Variants in CGNL1 observed in about 807,000 individuals in gnomAD.
CGNL1 encodes cingulin like 1, also known as cingulin-like protein 1.
A neutral mutation model predicts 141.2 loss-of-function variants in CGNL1; 132 were observed. The ratio of observed to expected loss-of-function variants is 0.93; its 90% CI spans 0.81 to 1.08. CGNL1 has a LOEUF of 1.08. CGNL1 is among the 50% of genes least tolerant of loss of function. CGNL1 has a pLI of 0.00. For synonymous variants in CGNL1, 690 were observed against 622.1 expected (o/e 1.11, Z -1.63); for missense variants, 1,870 against 1,588.6 (o/e 1.18, Z -3.01).
chr15:57,517,545 TG>T (rs1479563925), intron 9 of CGNL1, among the ~76,000 whole-genome samples: 6 of 152,162 alleles, frequency 3.9e-5, no homozygotes, highest in Admixed American at 1.3e-4. Context: ...AATACCACCC[TG>T]GGGTAATTAA....
chr15:57,453,880 G>T, intron 7 of CGNL1, 62 bp downstream of exon 7: 1 of 1,596,956 alleles, frequency 6.3e-7, no homozygotes, highest in South Asian at 1.1e-5. Flanking sequence ...AGATGGAGTG[G>T]CTAGGGTTTG....
chr15:57,479,216 G>A (rs569349579), intron 8 of CGNL1, among the ~76,000 whole-genome samples: 6 of 152,302 alleles, frequency 3.9e-5, no homozygotes, highest in African/African-American at 1.4e-4. Flanking sequence ...TGTACTTTTG[G>A]AGAAGGCAGT....
intron 12 of CGNL1, among the ~76,000 whole-genome samples, chr15:57,528,375 T>A (rs1277775946): frequency 6.6e-6 from 1 of 152,208 alleles, no homozygotes; most frequent in African/African-American, 2.4e-5. Context: ...ACTCTGCTAT[T>A]TTTTTCTGTT....
intron 12 of CGNL1, among the ~76,000 whole-genome samples, chr15:57,525,560 TACATCCCGG>T (rs546876561): frequency 9.9e-5 from 15 of 152,244 alleles, no homozygotes; most frequent in South Asian, 2.1e-4. Flanking sequence ...AGCGAGTCTG[TACATCCCGG>T]ACACTTCATA....
chr15:57,441,833 C>A (rs75804278), intron 3 of CGNL1, among the ~76,000 whole-genome samples: 2,741 of 152,070 alleles, frequency 0.018, 81 homozygotes, highest in African/African-American at 0.062. Flanking sequence ...TTAGTATCTC[C>A]GTGTTACCTG....
chr15:57,442,270 A>G, intron 3 of CGNL1, 103 bp from the exon 4 acceptor site: 1 of 553,906 alleles, frequency 1.8e-6, no homozygotes, highest in Non-Finnish European at 3.2e-6. Flanking sequence ...GCTCCTGCAA[A>G]TTATCTCCTT....
rs1200182867 is a variant in CGNL1, at chr15:57,461,895, G to A, written c.2403+3G>A. The A allele has an allele frequency of 3.1e-6, 5 of 1,611,918 alleles. No individual in the cohort carries two copies. The highest frequency in any genetic ancestry group is 1.3e-5 in the African/African-American group (1 of 74,846). ...AGAGTGTGGAAGAAGCAACCAAGGTGAGGGATGGGGCAGGAGAATCTGGCT... is the reference window on the plus strand; with the variant it reads ...AGAGTGTGGAAGAAGCAACCAAGGTAAGGGATGGGGCAGGAGAATCTGGCT... On this transcript the variant is annotated splice_donor_region_variant and intron_variant, in intron 8 of 18. Coordinates refer to ENST00000281282, the MANE Select transcript of CGNL1 (RefSeq NM_032866.5).
At chr15:57,407,190 G>A (rs751579525) in intron 1 of CGNL1, 5 of 152,218 alleles carry the variant, frequency 3.3e-5, no homozygotes, top group Non-Finnish European at 5.9e-5. Flanking sequence ...GCGTTTACAA[G>A]AGGTCTCTTG....
intron 1 of CGNL1, among the ~76,000 whole-genome samples, chr15:57,412,199 G>T (rs1484534896): frequency 2.6e-5 from 4 of 152,250 alleles, no homozygotes; most frequent in African/African-American, 4.8e-5. Context: ...CCAGGCTGGA[G>T]TTTCACAGGC....
At chr15:57,532,506 T>C (rs1176446176) in intron 14 of CGNL1, among the ~76,000 whole-genome samples, 2 of 152,250 alleles carry the variant, frequency 1.3e-5, no homozygotes, top group African/African-American at 4.8e-5. Context: ...ATACTGCATG[T>C]ATTATCTGCA....
intron 8 of CGNL1, among the ~76,000 whole-genome samples, chr15:57,481,158 A>T (rs2063721704): frequency 6.7e-6 from 1 of 150,062 alleles, no homozygotes; most frequent in Non-Finnish European, 1.5e-5. Flanking sequence ...ATTTATATGC[A>T]ATTGTAAAAA....
intron 2 of CGNL1, 57 bp from the exon 3 acceptor site, chr15:57,440,320 T>A: frequency 7.7e-7 from 1 of 1,294,526 alleles, no homozygotes; most frequent in Non-Finnish European, 1.1e-6. Context: ...TTGTTTGGTG[T>A]TTGGAAGCCT....
chr15:57,502,497 CTG>C (rs1221710305), intron 8 of CGNL1, among the ~76,000 whole-genome samples: 1 of 152,174 alleles, frequency 6.6e-6, no homozygotes, highest in Non-Finnish European at 1.5e-5. Flanking sequence ...TGCTGATGTT[CTG>C]TGACTTTATG....
chr15:57,388,554 G>T (rs1189987987), intron 1 of CGNL1, among the ~76,000 whole-genome samples: 3 of 152,218 alleles, frequency 2.0e-5, no homozygotes, highest in Admixed American at 2.0e-4. Context: ...CTGTAGATAT[G>T]TGTGCTCGCA....
chr15:57,499,726 A>G (rs1164128539), intron 8 of CGNL1, among the ~76,000 whole-genome samples: 3 of 152,206 alleles, frequency 2.0e-5, no homozygotes, highest in East Asian at 1.9e-4. Context: ...ACTGCATTAC[A>G]TAATTGATTC....
At chr15:57,418,989 G>A (rs1176538119) in intron 1 of CGNL1, among the ~76,000 whole-genome samples, 5 of 151,606 alleles carry the variant, frequency 3.3e-5, no homozygotes, top group South Asian at 4.2e-4. Flanking sequence ...GTGCAGTGGC[G>A]CAATCTCGGC....
chr15:57,537,394 G>A (rs1365699389), intron 14 of CGNL1, among the ~76,000 whole-genome samples: 3 of 151,984 alleles, frequency 2.0e-5, no homozygotes, highest in Non-Finnish European at 2.9e-5. Context: ...AAATGGGACC[G>A]TCGTCTTTGC....
chr15:57,446,257 A>C (rs1034391727), intron 4 of CGNL1, among the ~76,000 whole-genome samples: 7 of 152,176 alleles, frequency 4.6e-5, no homozygotes, highest in African/African-American at 1.7e-4. Context: ...CCATCTATAC[A>C]GTTCATTGAA....
intron 14 of CGNL1, among the ~76,000 whole-genome samples, chr15:57,535,388 T>C (rs1434454764): frequency 6.6e-6 from 1 of 152,112 alleles, no homozygotes; most frequent in African/African-American, 2.4e-5. Flanking sequence ...AAGTAAAAGA[T>C]TCAAGCAGCT....
Sources: gnomAD v4.1 joint callset for allele counts (sites outside exome capture counted in the v4.1 genomes callset) on GRCh38, gnomAD v4.1.1 for gene constraint, MANE v1.5 for transcripts, NCBI Gene and HGNC (gene_info 2026-07-23, HGNC 2026-07-21) for gene names.